The following TNFAIP8 variants were observed in gnomAD, a reference collection of about 807,000 sequenced individuals.
The protein encoded by TNFAIP8 is TNF alpha induced protein 8.
In TNFAIP8, 7 loss-of-function variants were observed where a neutral mutation model predicts 13.3. That is an observed-to-expected ratio of 0.52 (90% confidence interval 0.30 to 0.99). TNFAIP8 has a LOEUF of 0.99. Among genes scored for constraint, TNFAIP8 ranks in the 50% least tolerant of loss-of-function variants. The pLI, the probability that TNFAIP8 is intolerant of heterozygous loss-of-function variation, is 0.07. For missense variants in TNFAIP8, 258 were observed against 236.9 expected (o/e 1.09, Z -0.58); for synonymous variants, 94 against 87.6 (o/e 1.07, Z -0.41).
At chr5:119,336,848 A>C (rs1750566708) in intron 1 of TNFAIP8, among the ~76,000 whole-genome samples, 1 of 152,204 alleles carries the variant, frequency 6.6e-6, no homozygotes, top group Admixed American at 6.5e-5. Flanking sequence ...TTGAGGAGAG[A>C]ATGTGAACTC....
intron 1 of TNFAIP8, among the ~76,000 whole-genome samples, chr5:119,278,488 G>A (rs1055846704): frequency 4.6e-5 from 7 of 151,442 alleles, no homozygotes; most frequent in African/African-American, 1.5e-4. Flanking sequence ...TCATCCGGGA[G>A]TAAAATCTTT....
chr5:119,364,640 G>A (rs544342546), intron 1 of TNFAIP8, among the ~76,000 whole-genome samples: 25 of 151,412 alleles, frequency 1.7e-4, no homozygotes, highest in African/African-American at 5.6e-4. Context: ...GAGCCACCGC[G>A]CCCAGTTATC....
intron 1 of TNFAIP8, among the ~76,000 whole-genome samples, chr5:119,298,235 T>G (rs1415951304): frequency 6.6e-6 from 1 of 151,880 alleles, no homozygotes; most frequent in East Asian, 1.9e-4. Flanking sequence ...GATTTTGCAG[T>G]GGCTGGTACC....
chr5:119,378,555 T>C (rs1288073636), intron 1 of TNFAIP8, among the ~76,000 whole-genome samples: 1 of 152,172 alleles, frequency 6.6e-6, no homozygotes, highest in Non-Finnish European at 1.5e-5. Flanking sequence ...ATGCCCAAGC[T>C]GAGGCCAAGA....
At chr5:119,324,195 A>C (rs990076479) in intron 1 of TNFAIP8, among the ~76,000 whole-genome samples, 4 of 145,192 alleles carry the variant, frequency 2.8e-5, no homozygotes, top group African/African-American at 1.0e-4. Context: ...AAATCACCTG[A>C]ACCCAGGAGG....
intron 1 of TNFAIP8, among the ~76,000 whole-genome samples, chr5:119,308,528 C>T (rs1317314557): frequency 6.6e-6 from 1 of 151,742 alleles, no homozygotes; most frequent in Non-Finnish European, 1.5e-5. Context: ...ACAGTTGGCA[C>T]TTAATAAATG....
At chr5:119,381,052 A>G (rs1459349775) in intron 1 of TNFAIP8, among the ~76,000 whole-genome samples, 4 of 152,172 alleles carry the variant, frequency 2.6e-5, no homozygotes, top group Non-Finnish European at 5.9e-5. Context: ...CAACTTTACT[A>G]TATATCAGAA....
At chr5:119,366,264 T>G (rs1236981607) in intron 1 of TNFAIP8, among the ~76,000 whole-genome samples, 1 of 152,174 alleles carries the variant, frequency 6.6e-6, no homozygotes, top group Non-Finnish European at 1.5e-5. Flanking sequence ...TGTTTGATTT[T>G]GCAGTTAACA....
intron 1 of TNFAIP8, among the ~76,000 whole-genome samples, chr5:119,327,047 C>T (rs1371257314): frequency 1.3e-5 from 2 of 152,098 alleles, no homozygotes; most frequent in Non-Finnish European, 2.9e-5. Context: ...GATAGGGGCT[C>T]GGGCTCCCAT....
At chr5:119,315,017 G>A (rs574827727) in intron 1 of TNFAIP8, among the ~76,000 whole-genome samples, 4 of 152,296 alleles carry the variant, frequency 2.6e-5, no homozygotes, top group South Asian at 2.1e-4. Flanking sequence ...CAGTAGCTGG[G>A]ATCACAGGCA....
intron 1 of TNFAIP8, among the ~76,000 whole-genome samples, chr5:119,334,193 A>G (rs1472504254): frequency 6.6e-6 from 1 of 152,002 alleles, no homozygotes; most frequent in Non-Finnish European, 1.5e-5. Context: ...TACTTTTAAA[A>G]TAACACCTTA....
chr5:119,390,045 G>C (rs753534834), intron 1 of TNFAIP8, among the ~76,000 whole-genome samples: 1 of 152,134 alleles, frequency 6.6e-6, no homozygotes, highest in Non-Finnish European at 1.5e-5. Context: ...CTGAGAAGAG[G>C]TGTAAACATG....
chr5:119,335,872 T>G (rs1037903060), intron 1 of TNFAIP8, among the ~76,000 whole-genome samples: 2 of 151,430 alleles, frequency 1.3e-5, no homozygotes, highest in African/African-American at 2.4e-5. Flanking sequence ...AAATAGGGAT[T>G]GTTGCAGGGG....
chr5:119,328,203 A>G (rs1026486173), intron 1 of TNFAIP8, among the ~76,000 whole-genome samples: 5 of 152,188 alleles, frequency 3.3e-5, no homozygotes, highest in Non-Finnish European at 5.9e-5. Flanking sequence ...AAACGCTCTT[A>G]TCTTTGCCAC....
chr5:119,318,628 G>A (rs1749967285), intron 1 of TNFAIP8, among the ~76,000 whole-genome samples: 1 of 150,564 alleles, frequency 6.6e-6, no homozygotes, highest in Admixed American at 6.6e-5. Flanking sequence ...TGAATCTGGA[G>A]TGATACCTGT....
At chr5:119,276,919 A>C (rs1748471129) in intron 1 of TNFAIP8, among the ~76,000 whole-genome samples, 1 of 152,192 alleles carries the variant, frequency 6.6e-6, no homozygotes, top group African/African-American at 2.4e-5. Context: ...TCTATGCCTG[A>C]AACTGCACAT....
At chr5:119,307,056 A>G (rs1419175835) in intron 1 of TNFAIP8, among the ~76,000 whole-genome samples, 6 of 152,216 alleles carry the variant, frequency 3.9e-5, no homozygotes, top group Non-Finnish European at 8.8e-5. Context: ...AATGATGTAC[A>G]TTTTATAGTT....
upstream of TNFAIP8, among the ~76,000 whole-genome samples, chr5:119,353,853 T>G (rs147176698): frequency 6.6e-5 from 10 of 152,340 alleles, no homozygotes; most frequent in East Asian, 1.7e-3. Context: ...GGCCTGAAAT[T>G]TGGGTTGTCT....
chr5:119,371,592 A>G (rs924688519), intron 1 of TNFAIP8, among the ~76,000 whole-genome samples: 4 of 136,912 alleles, frequency 2.9e-5, no homozygotes, highest in Non-Finnish European at 6.2e-5. Context: ...TTGGAAAATG[A>G]ATCAAATTAC....
Sources: allele counts gnomAD v4.1 joint callset (sites outside exome capture counted in the v4.1 genomes callset), GRCh38; gene constraint gnomAD v4.1.1; transcripts MANE v1.5; gene names NCBI Gene and HGNC (gene_info 2026-07-23, HGNC 2026-07-21).